Variants in GPBP1L1 observed in about 807,000 individuals in gnomAD.
GPBP1L1 encodes the protein GC-rich promoter binding protein 1 like 1.
A neutral mutation model predicts 52.5 loss-of-function variants in GPBP1L1; 23 were observed. That is an observed-to-expected ratio of 0.44 (90% CI 0.32 to 0.62). The LOEUF is 0.62. Among genes scored for constraint, GPBP1L1 ranks in the 20% least tolerant of loss-of-function variants. The pLI is 0.06. For missense variants in GPBP1L1, 596 were observed against 579.3 expected, an observed-to-expected ratio of 1.03 and a Z score of -0.30; for synonymous variants, 243 against 203.1, an observed-to-expected ratio of 1.20 and a Z score of -1.67.
intron 8 of GPBP1L1, among the ~76,000 whole-genome samples, chr1:45,638,814 T>C (rs2148434295): frequency 6.6e-6 from 1 of 152,254 alleles, no homozygotes; most frequent in East Asian, 1.9e-4. Context: ...AAGAAAATTA[T>C]TCACAGAGAG....
chr1:45,658,704 C>T (rs1452099751), intron 4 of GPBP1L1: 9 of 298,660 alleles, frequency 3.0e-5, no homozygotes, highest in African/African-American at 6.5e-5. Flanking sequence ...TCCAGGTAGG[C>T]GGATCACTTG....
At chr1:45,659,658 T>C (rs1403455255) in intron 3 of GPBP1L1, among the ~76,000 whole-genome samples, 2 of 152,110 alleles carry the variant, frequency 1.3e-5, no homozygotes, top group East Asian at 3.9e-4. Context: ...GAAAAGATCT[T>C]CTTGGCTGGG....
At chr1:45,663,128 G>A (rs1644967045) in intron 2 of GPBP1L1, among the ~76,000 whole-genome samples, 1 of 150,158 alleles carries the variant, frequency 6.7e-6, no homozygotes, top group Non-Finnish European at 1.5e-5. Flanking sequence ...ATAGATAAAT[G>A]AAACTGTCCC....
intron 8 of GPBP1L1, among the ~76,000 whole-genome samples, chr1:45,636,028 C>T (rs1437073315): frequency 6.6e-6 from 1 of 152,146 alleles, no homozygotes; most frequent in East Asian, 1.9e-4. Flanking sequence ...TTATCTTTCA[C>T]TCGTTCATTA....
chr1:45,628,301 G>A lies in GPBP1L1; in HGVS notation c.1380C>T (p.Thr460=), dbSNP rs765032571. ...CTGATGTTTCACTGCTACTGGTTTC[G>A]GTGTCTGAGTCCTCAAACTCTGCTT... ...TCKAEFEDSD[T]ETSSSETSDD... The change falls in exon 13 of 13, where the codon ACC becomes ACT. Residue 460 remains threonine, a synonymous_variant. Coordinates refer to ENST00000355105, the MANE Select transcript of GPBP1L1 (RefSeq NM_021639.5). The A allele has an allele frequency of 2.5e-5, 41 of 1,613,864 alleles. No homozygotes were observed. Among genetic ancestry groups the A allele is most frequent in the East Asian group, 4.5e-5 (2 of 44,886 alleles).
intron 8 of GPBP1L1, 72 bp downstream of exon 8, chr1:45,640,138 T>C (rs1644651776): frequency 8.0e-7 from 1 of 1,251,176 alleles, no homozygotes. Context: ...AAAAAACAAA[T>C]TTATTAATTT....
Position 45,654,789 on chromosome 1 carries a change from CA to C in GPBP1L1, c.230del (p.Val77GlyfsTer30), listed in dbSNP as rs1644863745. ...ATGCTCCCTTAGAGACACCAGAGTC[CA>C]CAGAATCATGGCGGAACAGGGAGGG... is the stretch of plus-strand genomic sequence containing the variant. ...HQPSLFRHDS[V>X]DSGVSKGAYA... On this transcript the variant is annotated frameshift_variant, in exon 6 of 13. Transcript: ENST00000355105. LOFTEE classifies it high-confidence loss of function. The C allele has an allele frequency of 6.2e-7, 1 of 1,614,006 alleles. No individual in the cohort carries two copies. Among genetic ancestry groups the C allele is most frequent in the African/African-American group, 1.3e-5 (1 of 74,904 alleles).
At chr1:45,658,057 C>A (rs1381073911) in intron 4 of GPBP1L1, among the ~76,000 whole-genome samples, 1 of 152,156 alleles carries the variant, frequency 6.6e-6, no homozygotes, top group Non-Finnish European at 1.5e-5. Flanking sequence ...GCTTCCCAAA[C>A]GTTTTATCAA....
At chr1:45,665,004 G>A (rs1485187411) in intron 2 of GPBP1L1, among the ~76,000 whole-genome samples, 2 of 151,732 alleles carry the variant, frequency 1.3e-5, no homozygotes, top group East Asian at 2.0e-4. Context: ...AAAGATGAAA[G>A]ATGGCCGGGC....
chr1:45,650,487 C>CT (rs1644806901), intron 6 of GPBP1L1, among the ~76,000 whole-genome samples: 1 of 152,178 alleles, frequency 6.6e-6, no homozygotes, highest in Non-Finnish European at 1.5e-5. Context: ...CAAACATTCT[C>CT]TAACAACTCA....
chr1:45,661,821 GCTAT>G (rs1462435609), intron 2 of GPBP1L1, among the ~76,000 whole-genome samples: 2 of 152,024 alleles, frequency 1.3e-5, no homozygotes, highest in Non-Finnish European at 2.9e-5. Context: ...TTTCCAATCA[GCTAT>G]CTAAGGTATT....
In GPBP1L1 at chr1:45,629,454, TCCCC is replaced by T. The variant is rs374490837; in HGVS notation, c.1272+118_1272+121del. On this transcript the variant is annotated intron_variant, in intron 12 of 12. Transcript: ENST00000355105. ...CCCCACTACATTTCTACTAAGGTAA[TCCCC>T]CCCCCCCCCACCCGATCTTTCTCTC... The T allele has an allele frequency of 6.0e-5, 7 of 117,634 alleles. 1 individual carries two copies. Among genetic ancestry groups the T allele is most frequent in the Admixed American group, 3.4e-4 (3 of 8,772 alleles). The allele number at this position is 117,634 out of a possible 1,614,324, so 7.3% of individuals were successfully genotyped here.
At chr1:45,635,156 GAAT>G (rs1644578220) in intron 8 of GPBP1L1, 2 of 152,228 alleles carry the variant, frequency 1.3e-5, no homozygotes, top group African/African-American at 4.8e-5. Context: ...AACCAATCAG[GAAT>G]AATAATTGTT....
Position 45,660,649 on chromosome 1 carries a change from C to T in GPBP1L1, c.-521G>A, listed in dbSNP as rs967977865. 8 of 681,722 alleles carry T rather than the reference C, an allele frequency of 1.2e-5. No individual in the cohort carries two copies. The South Asian group carries it at 4.6e-4, about 39-fold the overall frequency. The allele number at this position is 681,722 out of a possible 1,614,324, so 42.2% of individuals were successfully genotyped here. On this transcript the variant is annotated 5_prime_UTR_variant, in exon 3 of 13. Transcript: ENST00000355105. ...AAATAATGTCATCAAGGTAATAGAT[C>T]AAAAATATTAAAGCCCTATAAAAGA...
chr1:45,686,518 T>C lies in GPBP1L1; in HGVS notation c.-1249A>G, dbSNP rs1645288712. ...CTAGTCCACAACCATAACAAAGCTC[T>C]TCCCAAAATGGCTGCCCGGCCCACA... On this transcript the variant is annotated 5_prime_UTR_variant, in exon 1 of 13. Coordinates refer to ENST00000355105, the MANE Select transcript of GPBP1L1 (RefSeq NM_021639.5). The C allele has an allele frequency of 6.6e-6, 1 of 152,444 alleles. No individual in the cohort carries two copies. 9.4% of individuals were successfully genotyped at this position (152,444 alleles called of 1,614,324 possible). A position where few individuals can be genotyped will look rare whatever the true frequency, so the allele number is the denominator to read the frequency against.
chr1:45,632,797 C>A (rs1313984776), intron 10 of GPBP1L1, among the ~76,000 whole-genome samples: 1 of 152,100 alleles, frequency 6.6e-6, no homozygotes. Context: ...TAATAAAGGA[C>A]TATTAACTAA....
intron 4 of GPBP1L1, among the ~76,000 whole-genome samples, chr1:45,658,171 T>C (rs971201123): frequency 6.6e-5 from 10 of 152,222 alleles, no homozygotes; most frequent in African/African-American, 2.4e-4. Context: ...ACATCCCCCC[T>C]GAAACTATTA....
rs768102444 is a variant in GPBP1L1 at position 45,628,295 on chromosome 1, G to A, written c.1386C>T (p.Thr462=). 1.9e-6 allele frequency: 3 copies of A among 1,614,118 alleles called. No individual in the cohort carries two copies. Among genetic ancestry groups the A allele is most frequent in the Non-Finnish European group, 2.5e-6 (3 of 1,180,016 alleles). Residue 462 remains threonine (T), a synonymous_variant, in exon 13 of 13, where the codon ACC becomes ACT. Coordinates refer to ENST00000355105, the MANE Select transcript of GPBP1L1 (RefSeq NM_021639.5). ...KAEFEDSDTE[T]SSSETSDDDA... ...CGTCATCTGATGTTTCACTGCTACT[G>A]GTTTCGGTGTCTGAGTCCTCAAACT...
chr1:45,639,897 A>AAAAAT (rs1218400112), intron 8 of GPBP1L1, among the ~76,000 whole-genome samples: 2 of 151,896 alleles, frequency 1.3e-5, no homozygotes, highest in East Asian at 3.9e-4. Context: ...AAACAAAACA[A>AAAAAT]AAAATAAAAT....
Sources: gnomAD v4.1 joint callset for allele counts (sites outside exome capture counted in the v4.1 genomes callset) on GRCh38, gnomAD v4.1.1 for gene constraint, MANE v1.5 for transcripts, NCBI Gene and HGNC (gene_info 2026-07-23, HGNC 2026-07-21) for gene names.